ATXN2: variants seen among roughly 807,000 people sequenced by gnomAD.
The protein encoded by ATXN2 is ataxin 2, also known as ataxin-2.
ATXN2 carries 37 observed loss-of-function variants against 138.6 expected under a neutral mutation model. The ratio of observed to expected loss-of-function variants is 0.27; its 90% CI spans 0.21 to 0.35. The LOEUF (loss-of-function observed/expected upper bound fraction) is 0.35. Ranked by LOEUF, ATXN2 falls within the 10% of genes least tolerant of loss-of-function variation. ATXN2 has a pLI of 1.00. For missense variants in ATXN2, 1,216 were observed against 1,480.3 expected, an observed-to-expected ratio of 0.82 and a Z score of 2.93; for synonymous variants, 549 against 543.7, an observed-to-expected ratio of 1.01 and a Z score of -0.13.
In ATXN2 at chr12:111,576,779, G is replaced by A. The variant is rs536737791; in HGVS notation, c.252-20860C>T. Reference sequence around the variant, plus strand: ...TCGAGACCATCCCAGATAACACGGCGAAACCCCATCTCTACTAAAAATAAA... The same window carrying A: ...TCGAGACCATCCCAGATAACACGGCAAAACCCCATCTCTACTAAAAATAAA... On this transcript the variant is annotated intron_variant, in intron 1 of 24. Transcript: ENST00000673436. Among the ~76,000 whole-genome samples the A allele has an allele frequency of 1.2e-3, 175 of 151,322 alleles. 1 individual carries two copies. Among genetic ancestry groups the A allele is most frequent in the Middle Eastern group, 3.4e-3 (1 of 290 alleles).
intron 1 of ATXN2, 36 bp from the exon 2 acceptor site, chr12:111,555,955 CA>C (rs1426298827): frequency 6.8e-7 from 1 of 1,479,946 alleles, no homozygotes; most frequent in Non-Finnish European, 9.2e-7. Context: ...TTAAATTCAA[CA>C]GGCTAAATAA....
intron 1 of ATXN2, among the ~76,000 whole-genome samples, chr12:111,590,308 G>A (rs1884588767): frequency 6.6e-6 from 1 of 152,022 alleles, no homozygotes; most frequent in Admixed American, 6.6e-5. Flanking sequence ...AAAGAAAATA[G>A]ACCTCCTATT....
intron 18 of ATXN2, among the ~76,000 whole-genome samples, chr12:111,477,965 CTTTTTTT>C (rs760866567): frequency 1.0e-4 from 15 of 144,368 alleles, no homozygotes; most frequent in African/African-American, 2.5e-4. Context: ...TTTCTTTTTT[CTTTTTTT>C]TTTTTGCAAA....
At chr12:111,586,994 A>G (rs1884378188) in intron 1 of ATXN2, among the ~76,000 whole-genome samples, 1 of 151,350 alleles carries the variant, frequency 6.6e-6, no homozygotes, top group South Asian at 2.1e-4. Context: ...TCTCCAGACC[A>G]GAGGCTAAAG....
At chr12:111,508,252 C>G (rs1847501893) in intron 14 of ATXN2, among the ~76,000 whole-genome samples, 1 of 150,592 alleles carries the variant, frequency 6.6e-6, no homozygotes, top group South Asian at 2.1e-4. Flanking sequence ...ATATAAAGAA[C>G]TGCACAGAAA....
chr12:111,576,820 T>C (rs1340474074), intron 1 of ATXN2, among the ~76,000 whole-genome samples: 1 of 150,852 alleles, frequency 6.6e-6, no homozygotes, highest in Non-Finnish European at 1.5e-5. Context: ...TAGCCAGGCA[T>C]GGTGGCGGGC....
intron 10 of ATXN2, among the ~76,000 whole-genome samples, chr12:111,513,797 G>T (rs896914770): frequency 1.3e-5 from 2 of 151,892 alleles, no homozygotes; most frequent in African/African-American, 4.8e-5. Flanking sequence ...GAAAGGGAGG[G>T]ATGAAGTTGG....
intron 1 of ATXN2, among the ~76,000 whole-genome samples, chr12:111,572,075 T>C (rs1883351458): frequency 6.9e-6 from 1 of 145,256 alleles, no homozygotes; most frequent in Admixed American, 6.9e-5. Context: ...CACAAAAAAA[T>C]GGGACTGTAT....
At chr12:111,466,119 T>G (rs1211418960) in intron 20 of ATXN2, among the ~76,000 whole-genome samples, 2 of 148,894 alleles carry the variant, frequency 1.3e-5, no homozygotes, top group African/African-American at 5.0e-5. Context: ...GGAGCTGAGA[T>G]CGCGCCACTG....
Position 111,516,706 on chromosome 12 carries a change from A to G in ATXN2, c.1166-343T>C, listed in dbSNP as rs1405663739. Among the ~76,000 whole-genome samples, 1 of 152,218 alleles carries G rather than the reference A, an allele frequency of 6.6e-6. No individual in the cohort carries two copies. The highest frequency in any genetic ancestry group is 2.4e-5 in the African/African-American group (1 of 41,456). On this transcript the variant is annotated intron_variant, in intron 9 of 24. Coordinates refer to ENST00000673436, the MANE Select transcript of ATXN2 (RefSeq NM_001372574.1). This position sits in a 1 kb window ranked among gnomAD's most constrained non-coding sequence, Gnocchi z 5.0. ...CTGGTTGTTTAAAGGAATATAACATACACTAGATAATTTCACATAATAAAT... is the reference window on the plus strand; with the variant it reads ...CTGGTTGTTTAAAGGAATATAACATGCACTAGATAATTTCACATAATAAAT...
intron 11 of ATXN2, chr12:111,513,012 A>G (rs1292088385): frequency 4.1e-6 from 1 of 244,640 alleles, no homozygotes; most frequent in Non-Finnish European, 7.8e-6. Flanking sequence ...TGTTTGCCTC[A>G]TATTAGAGAG....
chr12:111,485,450 T>C (rs761958156), intron 17 of ATXN2, 119 bp from the exon 18 acceptor site: 6 of 1,071,910 alleles, frequency 5.6e-6, no homozygotes, highest in Non-Finnish European at 8.1e-6. Flanking sequence ...TGATTCTCCA[T>C]TAGTCATTAA....
At chr12:111,530,208 T>C (rs1880738111) in intron 5 of ATXN2, among the ~76,000 whole-genome samples, 1 of 152,232 alleles carries the variant, frequency 6.6e-6, no homozygotes, top group African/African-American at 2.4e-5. Flanking sequence ...ACTGAGTACC[T>C]ACAATGCACT....
chr12:111,547,004 G>C (rs552287947), intron 5 of ATXN2, among the ~76,000 whole-genome samples: 1 of 152,208 alleles, frequency 6.6e-6, no homozygotes, highest in Admixed American at 6.5e-5. Context: ...TCACTGTACC[G>C]TAAGAAGTCA....
intron 1 of ATXN2, among the ~76,000 whole-genome samples, chr12:111,585,397 C>T (rs891745149): frequency 2.0e-5 from 3 of 151,862 alleles, no homozygotes; most frequent in African/African-American, 7.3e-5. Flanking sequence ...CCCGTAATCC[C>T]AGCTACTCAG....
chr12:111,545,069 G>C (rs866787551), intron 5 of ATXN2, among the ~76,000 whole-genome samples: 18 of 152,116 alleles, frequency 1.2e-4, no homozygotes, highest in African/African-American at 3.6e-4. Flanking sequence ...TGAGGCAGGA[G>C]AATGGCGTGA....
chr12:111,476,758 G>GT (rs1876841728), intron 18 of ATXN2, among the ~76,000 whole-genome samples: 1 of 152,216 alleles, frequency 6.6e-6, no homozygotes, highest in African/African-American at 2.4e-5. Flanking sequence ...AAATGGAGCA[G>GT]TATATGATGA....
chr12:111,553,575 A>C (rs1422079578), intron 3 of ATXN2, among the ~76,000 whole-genome samples: 5 of 76,562 alleles, frequency 6.5e-5, no homozygotes, highest in Non-Finnish European at 9.7e-5. Flanking sequence ...TTTTTCTCAA[A>C]AAAAAAAAAA....
chr12:111,484,906 A>T (rs770276401), intron 18 of ATXN2, among the ~76,000 whole-genome samples: 5 of 152,000 alleles, frequency 3.3e-5, no homozygotes, highest in Admixed American at 6.6e-5. Flanking sequence ...AATTTTTTTG[A>T]ATTTTAGTAG....
Sources: gnomAD v4.1 joint callset for allele counts (sites outside exome capture counted in the v4.1 genomes callset) on GRCh38, gnomAD v4.1.1 for gene constraint, Gnocchi (gnomAD v3.1) non-coding constraint, MANE v1.5 for transcripts, NCBI Gene and HGNC (gene_info 2026-07-23, HGNC 2026-07-21) for gene names.